CACHD1: variants seen among roughly 807,000 people sequenced by gnomAD.
The protein encoded by CACHD1 is cache domain containing 1, also known as VWFA and cache domain-containing protein 1.
Under a neutral mutation model 138.7 loss-of-function variants are expected in CACHD1, and 71 were observed. The observed-to-expected ratio is 0.51, with a 90% CI of 0.42 to 0.62. The LOEUF (loss-of-function observed/expected upper bound fraction) is 0.62. CACHD1 is among the 20% of genes least tolerant of loss of function. CACHD1 has a pLI of 0.00. For synonymous variants in CACHD1, 578 were observed against 591.5 expected (o/e 0.98, Z 0.33); for missense variants, 1,389 against 1,625.3 (o/e 0.85, Z 2.50).
intron 1 of CACHD1, among the ~76,000 whole-genome samples, chr1:64,515,976 G>A (rs1646456283): frequency 6.6e-6 from 1 of 152,096 alleles, no homozygotes; most frequent in Non-Finnish European, 1.5e-5. Context: ...TTCAGGGCAT[G>A]TTTCATAGTT....
At chr1:64,492,154 AG>A (rs1218556130) in intron 1 of CACHD1, among the ~76,000 whole-genome samples, 5 of 151,654 alleles carry the variant, frequency 3.3e-5, no homozygotes, top group African/African-American at 4.8e-5. Flanking sequence ...TAAAAGGTGA[AG>A]AAAAAAATTG....
intron 4 of CACHD1, chr1:64,613,395 G>T (rs1032453622): frequency 2.6e-5 from 4 of 151,902 alleles, no homozygotes; most frequent in Non-Finnish European, 5.9e-5. Flanking sequence ...AATATAAAAA[G>T]ACTATAGTGT....
intron 2 of CACHD1, among the ~76,000 whole-genome samples, chr1:64,565,510 A>G (rs911094116): frequency 3.9e-5 from 6 of 152,110 alleles, no homozygotes; most frequent in Non-Finnish European, 8.8e-5. Context: ...TTGGAAATCA[A>G]TCTCTGTCCG....
At chr1:64,569,546 G>A (rs1219654341) in intron 2 of CACHD1, among the ~76,000 whole-genome samples, 2 of 152,122 alleles carry the variant, frequency 1.3e-5, no homozygotes, top group African/African-American at 4.8e-5. Context: ...GTTGCAGGCA[G>A]GCCCAGCTGG....
At chr1:64,627,584 T>A (rs1648155329) in intron 4 of CACHD1, among the ~76,000 whole-genome samples, 1 of 152,170 alleles carries the variant, frequency 6.6e-6, no homozygotes, top group East Asian at 1.9e-4. Flanking sequence ...CTGTTGCACC[T>A]GAGTTCACAG....
intron 4 of CACHD1, among the ~76,000 whole-genome samples, chr1:64,606,484 G>T (rs550454872): frequency 2.0e-5 from 3 of 152,168 alleles, no homozygotes; most frequent in South Asian, 4.1e-4. Context: ...AGAGGCAGTC[G>T]GGGGCCAGGT....
intron 1 of CACHD1, among the ~76,000 whole-genome samples, chr1:64,543,866 C>CTTT (rs370129207): frequency 0.098 from 7,604 of 77,358 alleles, 248 homozygotes; most frequent in Non-Finnish European, 0.14. Context: ...CTTTTCAGTG[C>CTTT]TTTTTTTTTT....
chr1:64,512,109 C>T (rs1461057814), intron 1 of CACHD1, among the ~76,000 whole-genome samples: 2 of 152,132 alleles, frequency 1.3e-5, no homozygotes, highest in Non-Finnish European at 2.9e-5. Flanking sequence ...AAAAAGCAAG[C>T]AGGGCTGGGC....
At chr1:64,669,484 A>G (rs977787199) in intron 16 of CACHD1, among the ~76,000 whole-genome samples, 9 of 152,288 alleles carry the variant, frequency 5.9e-5, no homozygotes, top group Admixed American at 1.3e-4. Flanking sequence ...TCAGTTACTC[A>G]TAGTAAGCTT....
At chr1:64,513,694 A>T (rs1646438255) in intron 1 of CACHD1, among the ~76,000 whole-genome samples, 1 of 152,232 alleles carries the variant, frequency 6.6e-6, no homozygotes. Flanking sequence ...TGGCAGTCAG[A>T]AAATGGAAAT....
At chr1:64,599,166 G>A (rs1647189741) in intron 3 of CACHD1, among the ~76,000 whole-genome samples, 2 of 152,086 alleles carry the variant, frequency 1.3e-5, no homozygotes, top group Admixed American at 6.5e-5. Flanking sequence ...CCAGACTTGT[G>A]AGAAATGAAT....
intron 3 of CACHD1, among the ~76,000 whole-genome samples, chr1:64,588,962 G>T (rs1278871732): frequency 6.6e-6 from 1 of 152,156 alleles, no homozygotes; most frequent in Non-Finnish European, 1.5e-5. Context: ...TGGCATTAAG[G>T]CATCTGTCTG....
chr1:64,676,110 T>G (rs539810392), intron 21 of CACHD1, 127 bp downstream of exon 21: 1 of 318,910 alleles, frequency 3.1e-6, no homozygotes, highest in Non-Finnish European at 5.5e-6. Flanking sequence ...TTCATTCTAA[T>G]GATAGAACTA....
chr1:64,654,481 G>A (rs1649199218), intron 11 of CACHD1, among the ~76,000 whole-genome samples: 1 of 152,162 alleles, frequency 6.6e-6, no homozygotes, highest in African/African-American at 2.4e-5. Context: ...GAGCAAGGAT[G>A]GAGAGTAAGG....
intron 2 of CACHD1, among the ~76,000 whole-genome samples, chr1:64,554,730 A>G (rs1196517290): frequency 6.6e-6 from 1 of 152,204 alleles, no homozygotes; most frequent in East Asian, 1.9e-4. Flanking sequence ...AAAATGCTGT[A>G]TATGTTCTAG....
intron 1 of CACHD1, among the ~76,000 whole-genome samples, chr1:64,534,571 A>C (rs1446238697): frequency 6.6e-6 from 1 of 152,200 alleles, no homozygotes; most frequent in Non-Finnish European, 1.5e-5. Context: ...TTTGGATGGA[A>C]TGTCCCTTCC....
At chr1:64,585,802 G>A (rs1647046930) in intron 3 of CACHD1, among the ~76,000 whole-genome samples, 1 of 152,220 alleles carries the variant, frequency 6.6e-6, no homozygotes, top group Non-Finnish European at 1.5e-5. Context: ...ACTTTCCAGT[G>A]AAATGTGTGA....
At chr1:64,499,432 T>G (rs368894388) in intron 1 of CACHD1, among the ~76,000 whole-genome samples, 1 of 152,216 alleles carries the variant, frequency 6.6e-6, no homozygotes, top group Non-Finnish European at 1.5e-5. Flanking sequence ...CCACACACTT[T>G]GCAAAACATG....
intron 1 of CACHD1, among the ~76,000 whole-genome samples, chr1:64,484,974 T>C (rs975003579): frequency 6.6e-6 from 1 of 152,234 alleles, no homozygotes; most frequent in African/African-American, 2.4e-5. Context: ...TGCTTTCAGT[T>C]CTTTTGAGCA....
Sources: gnomAD v4.1 joint callset for allele counts (sites outside exome capture counted in the v4.1 genomes callset) on GRCh38, gnomAD v4.1.1 for gene constraint, MANE v1.5 for transcripts, NCBI Gene and HGNC (gene_info 2026-07-23, HGNC 2026-07-21) for gene names.